FMN2: variants seen among roughly 807,000 people sequenced by gnomAD.
The protein encoded by FMN2 is formin 2.
In FMN2, 51 loss-of-function variants were observed where a neutral mutation model predicts 142.3. That is an observed-to-expected ratio of 0.36 (90% CI 0.29 to 0.45). The LOEUF (loss-of-function observed/expected upper bound fraction) is 0.45. Among genes scored for constraint, FMN2 ranks in the 20% least tolerant of loss-of-function variants. The pLI is 1.00. For synonymous variants in FMN2, 882 were observed against 869.8 expected (o/e 1.01, Z -0.25); for missense variants, 1,936 against 2,122.8 (o/e 0.91, Z 1.73).
chr1:240,113,557 C>CAAAAAAA (rs34741987), intron 1 of FMN2, among the ~76,000 whole-genome samples: 5 of 88,482 alleles, frequency 5.7e-5, no homozygotes, highest in African/African-American at 1.4e-4. Context: ...GACTCCGTCT[C>CAAAAAAA]AAAAAAAAAA....
At chr1:240,358,679 C>G (rs1159997928) in intron 14 of FMN2, among the ~76,000 whole-genome samples, 1 of 152,088 alleles carries the variant, frequency 6.6e-6, no homozygotes, top group African/African-American at 2.4e-5. Flanking sequence ...ACCATTAGAT[C>G]TCGTGAGAAC....
intron 6 of FMN2, among the ~76,000 whole-genome samples, chr1:240,239,611 T>C (rs1276237208): frequency 1.3e-5 from 2 of 152,164 alleles, no homozygotes; most frequent in Admixed American, 6.5e-5. Context: ...TAGGGTCAAA[T>C]CCAGTTTTCA....
At chr1:240,115,620 GT>G (rs1661990090) in intron 1 of FMN2, among the ~76,000 whole-genome samples, 1 of 152,080 alleles carries the variant, frequency 6.6e-6, no homozygotes, top group Non-Finnish European at 1.5e-5. Flanking sequence ...TGGTTTGGTG[GT>G]TCTTTGAATT....
chr1:240,130,518 G>T (rs1662692882), intron 2 of FMN2, among the ~76,000 whole-genome samples: 1 of 152,042 alleles, frequency 6.6e-6, no homozygotes, highest in South Asian at 2.1e-4. Context: ...TGGCCAGGCT[G>T]GTCTCTTACT....
At chr1:240,189,392 C>T (rs1377801076) in intron 4 of FMN2, among the ~76,000 whole-genome samples, 2 of 152,210 alleles carry the variant, frequency 1.3e-5, no homozygotes, top group Non-Finnish European at 2.9e-5. Flanking sequence ...TTGGGTTTTA[C>T]ACCCGGATCT....
intron 7 of FMN2, among the ~76,000 whole-genome samples, chr1:240,270,463 A>G (rs991810376): frequency 3.3e-5 from 5 of 152,120 alleles, no homozygotes; most frequent in African/African-American, 7.2e-5. Flanking sequence ...CATTATTACC[A>G]ATAATCACAC....
At chr1:240,217,171 A>G (rs1666936727) in intron 6 of FMN2, among the ~76,000 whole-genome samples, 1 of 152,230 alleles carries the variant, frequency 6.6e-6, no homozygotes, top group Admixed American at 6.5e-5. Context: ...GCTGCTATGA[A>G]AAGGAAAAAG....
At chr1:240,316,353 C>A (rs1175498698) in intron 8 of FMN2, among the ~76,000 whole-genome samples, 1 of 152,084 alleles carries the variant, frequency 6.6e-6, no homozygotes, top group Non-Finnish European at 1.5e-5. Flanking sequence ...AAAGACCCAG[C>A]AGATGGAGCA....
In FMN2 at chr1:240,355,625, C is replaced by T. The variant is rs373650160; in HGVS notation, c.4766-191C>T. On this transcript the variant is annotated intron_variant, in intron 13 of 17. Coordinates refer to ENST00000319653, the MANE Select transcript of FMN2 (RefSeq NM_020066.5). ...ATAAATTCTGCATAATTTCTTTTTA[C>T]AGCCCTCTAAAAGGAAGCCTTGATC... 2.1e-4 allele frequency among the ~76,000 whole-genome samples: 32 copies of T among 152,252 alleles called. No homozygotes were observed. In the East Asian group the frequency reaches 5.6e-3, roughly 27 times the overall value.
rs188586837 is a variant in FMN2 at position 240,307,407 on chromosome 1, G to A, written c.4215+12524G>A. On this transcript the variant is annotated intron_variant, in intron 8 of 17. Coordinates refer to ENST00000319653, the MANE Select transcript of FMN2 (RefSeq NM_020066.5). ...TACTTTTAAGTTTTTAATGCATCTT[G>A]AGTTAATTTTTATGTGTGGTAAGAG... is the stretch of plus-strand genomic sequence containing the variant. 1.1e-4 allele frequency among the ~76,000 whole-genome samples: 16 copies of A among 152,268 alleles called. No individual in the cohort carries two copies. The East Asian group carries it at 3.1e-3, about 29-fold the overall frequency.
chr1:240,277,562 G>T (rs1198787461), intron 7 of FMN2, among the ~76,000 whole-genome samples: 4 of 104,134 alleles, frequency 3.8e-5, no homozygotes, highest in Admixed American at 2.9e-4. Flanking sequence ...AGACAGAGTT[G>T]CACTCTGTCG....
At chr1:240,427,456 C>T (rs868334938) in intron 15 of FMN2, among the ~76,000 whole-genome samples, 8 of 151,962 alleles carry the variant, frequency 5.3e-5, no homozygotes, top group African/African-American at 1.2e-4. Context: ...CTGCCCGCCT[C>T]GGCCTCCCAA....
At chr1:240,396,282 C>G (rs143513361) in intron 15 of FMN2, among the ~76,000 whole-genome samples, 19 of 149,718 alleles carry the variant, frequency 1.3e-4, no homozygotes, top group Non-Finnish European at 2.4e-4. Context: ...GGAACCAAAC[C>G]CACAATATCT....
chr1:240,125,235 G>A (rs922180353), intron 2 of FMN2, among the ~76,000 whole-genome samples: 2 of 152,146 alleles, frequency 1.3e-5, no homozygotes, highest in African/African-American at 4.8e-5. Flanking sequence ...TATTCAGAGA[G>A]CTTCTTGATT....
chr1:240,308,419 G>C lies in FMN2; in HGVS notation c.4215+13536G>C, dbSNP rs183135486. On this transcript the variant is annotated intron_variant, in intron 8 of 17. Transcript: ENST00000319653. ...TCATGTTTCAAAGCTTGTCCAACTC[G>C]CTTTATTTTGTTGTTGTCATTCTGT... Among the ~76,000 whole-genome samples the C allele has an allele frequency of 2.0e-5, 3 of 152,246 alleles. No homozygotes were observed. In the South Asian group the frequency reaches 6.2e-4, roughly 32 times the overall value.
chr1:240,253,675 T>C (rs1264744603), intron 6 of FMN2, among the ~76,000 whole-genome samples: 2 of 152,224 alleles, frequency 1.3e-5, no homozygotes, highest in Non-Finnish European at 2.9e-5. Flanking sequence ...TTTATGTTTA[T>C]TGTTTATTTA....
intron 1 of FMN2, among the ~76,000 whole-genome samples, chr1:240,112,878 C>T (rs1661868866): frequency 6.6e-6 from 1 of 152,208 alleles, no homozygotes; most frequent in Non-Finnish European, 1.5e-5. Flanking sequence ...CCAGCTCCTG[C>T]TGTGAAATGG....
chr1:240,324,015 TGGCA>T (rs1378023215), intron 8 of FMN2, among the ~76,000 whole-genome samples: 2 of 152,202 alleles, frequency 1.3e-5, no homozygotes, highest in African/African-American at 4.8e-5. Flanking sequence ...CACTGTTTCA[TGGCA>T]GTTTATTCTT....
chr1:240,375,496 T>G (rs962056269), intron 14 of FMN2, among the ~76,000 whole-genome samples: 3 of 152,168 alleles, frequency 2.0e-5, no homozygotes, highest in Non-Finnish European at 2.9e-5. Context: ...ACCTAATGGA[T>G]CTCATACAAT....
Sources: allele counts gnomAD v4.1 joint callset (sites outside exome capture counted in the v4.1 genomes callset), GRCh38; gene constraint gnomAD v4.1.1; transcripts MANE v1.5; gene names NCBI Gene and HGNC (gene_info 2026-07-23, HGNC 2026-07-21).